NALF1: variants seen among roughly 807,000 people sequenced by gnomAD.
The protein encoded by NALF1 is NALCN channel auxiliary factor 1, also known as family with sequence similarity 155 member A.
In NALF1, 3 loss-of-function variants were observed where a neutral mutation model predicts 48.4. The observed-to-expected ratio is 0.06, with a 90% CI of 0.03 to 0.16. NALF1 has a LOEUF of 0.16. Ranked by LOEUF, NALF1 falls within the 10% of genes least tolerant of loss-of-function variation. NALF1 has a pLI of 1.00. For synonymous variants in NALF1, 262 were observed against 245.7 expected, an observed-to-expected ratio of 1.07 and a Z score of -0.62; for missense variants, 526 against 571.5, an observed-to-expected ratio of 0.92 and a Z score of 0.81.
intron 1 of NALF1, among the ~76,000 whole-genome samples, chr13:107,757,650 C>G (rs912127722): frequency 1.3e-5 from 2 of 152,090 alleles, no homozygotes; most frequent in African/African-American, 4.8e-5. Context: ...CACACACATA[C>G]ACACATACTT....
At chr13:107,685,175 G>A (rs147344387) in intron 1 of NALF1, among the ~76,000 whole-genome samples, 3,975 of 152,154 alleles carry the variant, frequency 0.026, 174 homozygotes, top group African/African-American at 0.09. Flanking sequence ...TTAGCCAGGC[G>A]TGGTGGCGCA....
chr13:107,477,760 GTAAC>G (rs1255596365), intron 1 of NALF1, among the ~76,000 whole-genome samples: 1 of 151,902 alleles, frequency 6.6e-6, no homozygotes, highest in African/African-American at 2.4e-5. Flanking sequence ...TAGAAAACCT[GTAAC>G]TAATTTTTTT....
chr13:107,670,909 C>T (rs1389389272), intron 1 of NALF1, among the ~76,000 whole-genome samples: 1 of 152,100 alleles, frequency 6.6e-6, no homozygotes, highest in East Asian at 1.9e-4. Flanking sequence ...TCTTGAGATT[C>T]CATTGTCTAG....
intron 1 of NALF1, among the ~76,000 whole-genome samples, chr13:107,562,522 A>G (rs1877676977): frequency 1.3e-5 from 2 of 152,182 alleles, no homozygotes; most frequent in African/African-American, 4.8e-5. Flanking sequence ...AAGATACCTG[A>G]TATCAATACA....
chr13:107,325,887 T>TATATACACACACAC (rs752320518), intron 1 of NALF1, among the ~76,000 whole-genome samples: 23 of 58,904 alleles, frequency 3.9e-4, no homozygotes, highest in African/African-American at 1.2e-3. Flanking sequence ...TATATATATA[T>TATATACACACACAC]ACACACACAC....
intron 1 of NALF1, among the ~76,000 whole-genome samples, chr13:107,677,335 C>A (rs958376737): frequency 5.3e-5 from 8 of 152,190 alleles, no homozygotes; most frequent in Non-Finnish European, 1.2e-4. Context: ...AGCCACCGTG[C>A]CCAGCCAATA....
chr13:107,315,494 A>T (rs1882130164), intron 1 of NALF1, among the ~76,000 whole-genome samples: 1 of 152,114 alleles, frequency 6.6e-6, no homozygotes, highest in South Asian at 2.1e-4. Flanking sequence ...TCTCTTGGAT[A>T]CTTACTTTGT....
intron 1 of NALF1, among the ~76,000 whole-genome samples, chr13:107,215,049 G>A (rs1340299113): frequency 6.6e-6 from 1 of 152,094 alleles, no homozygotes; most frequent in Non-Finnish European, 1.5e-5. Context: ...ATACGTCGGG[G>A]TCTCTGGAGT....
chr13:107,428,827 A>G (rs75982895), intron 1 of NALF1, among the ~76,000 whole-genome samples: 1,952 of 152,260 alleles, frequency 0.013, 20 homozygotes, highest in South Asian at 0.029. Context: ...AATTAATAAA[A>G]TTTCAGCTAA....
intron 1 of NALF1, among the ~76,000 whole-genome samples, chr13:107,440,363 G>T (rs1884536291): frequency 6.6e-6 from 1 of 152,182 alleles, no homozygotes; most frequent in Non-Finnish European, 1.5e-5. Flanking sequence ...CATTCCCTCT[G>T]ACTGAGATGT....
Position 107,400,050 on chromosome 13 carries a change from T to C in NALF1, c.916-189295A>G, listed in dbSNP as rs534616920. Among the ~76,000 whole-genome samples the C allele has an allele frequency of 2.1e-3, 327 of 152,280 alleles. 1 individual carries two copies. The highest frequency in any genetic ancestry group is 7.7e-3 in the African/African-American group (319 of 41,566). On this transcript the variant is annotated intron_variant, in intron 1 of 2. Coordinates refer to ENST00000375915, the MANE Select transcript of NALF1 (RefSeq NM_001080396.3). ...CTAAAATTTTTCTAATTGTCTTCCA[T>C]GACATTAACTTAATACTATGTTCAC...
At position 107,439,244 on chromosome 13, in the gene NALF1, T is replaced by C. The variant is rs184503614; in HGVS notation, c.916-228489A>G. Among the ~76,000 whole-genome samples, 40 of 152,304 alleles carry C rather than the reference T, an allele frequency of 2.6e-4. No individual in the cohort carries two copies. In the East Asian group the frequency reaches 4.1e-3, roughly 15 times the overall value. On this transcript the variant is annotated intron_variant, in intron 1 of 2. Coordinates refer to ENST00000375915, the MANE Select transcript of NALF1 (RefSeq NM_001080396.3). ...CTCTGAGAACCTCAGTCCTCATACTTAGTGTGATATCACATCCACCTGGCT... is the reference window on the plus strand; with the variant it reads ...CTCTGAGAACCTCAGTCCTCATACTCAGTGTGATATCACATCCACCTGGCT...
chr13:107,670,027 A>T (rs1420648545), intron 1 of NALF1, among the ~76,000 whole-genome samples: 1 of 152,124 alleles, frequency 6.6e-6, no homozygotes, highest in Non-Finnish European at 1.5e-5. Flanking sequence ...ACTCTTAAAC[A>T]CCTTCAGAAA....
chr13:107,405,810 G>T (rs1322712642), intron 1 of NALF1, among the ~76,000 whole-genome samples: 1 of 151,980 alleles, frequency 6.6e-6, no homozygotes, highest in Non-Finnish European at 1.5e-5. Flanking sequence ...CTGGCAAAGA[G>T]AGTTATTTAG....
chr13:107,207,763 T>C (rs1425311970), intron 2 of NALF1, among the ~76,000 whole-genome samples: 1 of 152,248 alleles, frequency 6.6e-6, no homozygotes, highest in Non-Finnish European at 1.5e-5. Flanking sequence ...ATCCTGTCTC[T>C]GCCTTCCAAA....
At chr13:107,357,162 G>A (rs1233493107) in intron 1 of NALF1, among the ~76,000 whole-genome samples, 3 of 152,150 alleles carry the variant, frequency 2.0e-5, no homozygotes, top group Non-Finnish European at 2.9e-5. Flanking sequence ...AAGGAAAGAG[G>A]TTTAATTGAC....
chr13:107,537,442 T>A (rs944266344), intron 1 of NALF1, among the ~76,000 whole-genome samples: 1 of 152,170 alleles, frequency 6.6e-6, no homozygotes, highest in Non-Finnish European at 1.5e-5. Flanking sequence ...TGAATGGAAC[T>A]GAGATTTGTT....
chr13:107,738,622 A>C (rs978345063), intron 1 of NALF1, among the ~76,000 whole-genome samples: 2 of 152,198 alleles, frequency 1.3e-5, no homozygotes, highest in Admixed American at 1.3e-4. Context: ...ATAAAAGGAC[A>C]CTTAGAAATG....
At position 107,164,236 on chromosome 13, in the gene NALF1, C is replaced by G. The variant is rs1369152656; in HGVS notation, c.*6261G>C. ...TTCTCGCCACTGATTCTATGCAACTCTCACCTACCTAAATAGATACAAATC... is the reference window on the plus strand; with the variant it reads ...TTCTCGCCACTGATTCTATGCAACTGTCACCTACCTAAATAGATACAAATC... On this transcript the variant is annotated 3_prime_UTR_variant, in exon 3 of 3. Transcript: ENST00000375915. 3 of 152,180 alleles carry G rather than the reference C, an allele frequency of 2.0e-5. No individual in the cohort carries two copies. Among genetic ancestry groups the G allele is most frequent in the Non-Finnish European group, 4.4e-5 (3 of 68,036 alleles). The allele number at this position is 152,180 out of a possible 1,614,324, so 9.4% of individuals were successfully genotyped here. A position where few individuals can be genotyped will look rare whatever the true frequency, so the allele number is the denominator to read the frequency against.
Sources: gnomAD v4.1 joint callset for allele counts (sites outside exome capture counted in the v4.1 genomes callset) on GRCh38, gnomAD v4.1.1 for gene constraint, MANE v1.5 for transcripts, NCBI Gene and HGNC (gene_info 2026-07-23, HGNC 2026-07-21) for gene names.